Variants in DAAM1 observed in about 807,000 individuals in gnomAD.
DAAM1 encodes disheveled-associated activator of morphogenesis 1.
A neutral mutation model predicts 130.0 loss-of-function variants in DAAM1; 52 were observed. The ratio of observed to expected loss-of-function variants is 0.40; its 90% CI spans 0.32 to 0.50. The LOEUF (loss-of-function observed/expected upper bound fraction) is 0.50, where lower values mean the gene tolerates loss of function less well. Ranked by LOEUF, DAAM1 falls within the 20% of genes least tolerant of loss-of-function variation. DAAM1 has a pLI of 0.61. For missense variants in DAAM1, 1,134 were observed against 1,303.8 expected (o/e 0.87, Z 2.01); for synonymous variants, 452 against 444.5 (o/e 1.02, Z -0.21).
intron 1 of DAAM1, among the ~76,000 whole-genome samples, chr14:59,225,668 A>G (rs1298982020): frequency 7.2e-5 from 11 of 151,782 alleles, no homozygotes. Flanking sequence ...GAGTGCTCAC[A>G]GAGATCTGGC....
chr14:59,330,421 C>A lies in DAAM1; in HGVS notation c.1373-80C>A, dbSNP rs373253314. 42 of 1,322,242 alleles carry A rather than the reference C, an allele frequency of 3.2e-5. No individual in the cohort carries two copies. The East Asian group carries it at 6.5e-4, about 21-fold the overall frequency. The allele number at this position is 1,322,242 out of a possible 1,614,324, so 81.9% of individuals were successfully genotyped here. ...GATCCTCATAATCTCTGCCATCATC[C>A]TCAGTCAATTTTCTTTTAGAGAAAA... On this transcript the variant is annotated intron_variant, in intron 12 of 24. Transcript: ENST00000360909.
At chr14:59,279,944 A>C (rs1237309968) in intron 2 of DAAM1, among the ~76,000 whole-genome samples, 6 of 152,218 alleles carry the variant, frequency 3.9e-5, no homozygotes, top group Non-Finnish European at 5.9e-5. Flanking sequence ...AACATTTCAC[A>C]AAAGAACATG....
intron 1 of DAAM1, among the ~76,000 whole-genome samples, chr14:59,197,354 A>G (rs1224638499): frequency 6.6e-6 from 1 of 152,216 alleles, no homozygotes; most frequent in Non-Finnish European, 1.5e-5. Flanking sequence ...TTTCTGCGTT[A>G]GAGGTACTTT....
chr14:59,354,146 C>T (rs529425831), intron 19 of DAAM1, among the ~76,000 whole-genome samples, 182 bp downstream of exon 19: 8 of 151,804 alleles, frequency 5.3e-5, no homozygotes, highest in Admixed American at 4.6e-4. Flanking sequence ...GTGCAAGCTC[C>T]GCCTCCCAGG....
At chr14:59,335,865 A>G (rs1885606980) in intron 15 of DAAM1, among the ~76,000 whole-genome samples, 1 of 152,186 alleles carries the variant, frequency 6.6e-6, no homozygotes, top group South Asian at 2.1e-4. Context: ...TTTATAAATT[A>G]TCAAAGAATT....
intron 23 of DAAM1, 102 bp downstream of exon 23, chr14:59,363,884 C>A (rs370731637): frequency 6.6e-7 from 1 of 1,504,670 alleles, no homozygotes; most frequent in Non-Finnish European, 9.0e-7. Context: ...GAGTGAGATC[C>A]AAACTTCGTG....
intron 1 of DAAM1, among the ~76,000 whole-genome samples, chr14:59,230,632 A>C (rs1028561294): frequency 2.0e-5 from 3 of 152,046 alleles, no homozygotes; most frequent in African/African-American, 7.2e-5. Flanking sequence ...GGGGAAAGTT[A>C]ATGGGTACAA....
At chr14:59,248,983 T>G (rs1286612577) in intron 1 of DAAM1, among the ~76,000 whole-genome samples, 1 of 152,142 alleles carries the variant, frequency 6.6e-6, no homozygotes, top group Non-Finnish European at 1.5e-5. Flanking sequence ...GAGACGGGGT[T>G]TCACCGTGTT....
At position 59,328,266 on chromosome 14, in the gene DAAM1, T is replaced by C. The variant is rs149045978; in HGVS notation, c.1372+1275T>C. On this transcript the variant is annotated intron_variant, in intron 12 of 24. Transcript: ENST00000360909. ...AGTTCCTCATATGTATTCAGATTGCTCCCAAATAAGTGACATTGCACATGC... is the reference window on the plus strand; with the variant it reads ...AGTTCCTCATATGTATTCAGATTGCCCCCAAATAAGTGACATTGCACATGC... Among the ~76,000 whole-genome samples the C allele has an allele frequency of 2.3e-3, 346 of 152,316 alleles. 1 individual carries two copies. The highest frequency in any genetic ancestry group is 7.8e-3 in the African/African-American group (325 of 41,568).
intron 1 of DAAM1, among the ~76,000 whole-genome samples, chr14:59,256,430 T>C (rs1035759261): frequency 5.3e-5 from 8 of 152,210 alleles, no homozygotes; most frequent in African/African-American, 1.9e-4. Flanking sequence ...CACAGATGGA[T>C]TGGATTTCTT....
chr14:59,323,341 TCA>T, intron 6 of DAAM1, 116 bp downstream of exon 6: 2 of 1,121,308 alleles, frequency 1.8e-6, no homozygotes, highest in Non-Finnish European at 2.5e-6. Context: ...TGGTGATTAC[TCA>T]CAGTGTGACT....
chr14:59,253,612 G>C (rs540655851), intron 1 of DAAM1, among the ~76,000 whole-genome samples: 34 of 152,166 alleles, frequency 2.2e-4, no homozygotes, highest in Non-Finnish European at 4.6e-4. Context: ...AGTATGCCAA[G>C]AGCCATTTTT....
chr14:59,229,167 T>C (rs568695873), intron 1 of DAAM1, among the ~76,000 whole-genome samples: 1 of 152,324 alleles, frequency 6.6e-6, no homozygotes, highest in East Asian at 1.9e-4. Flanking sequence ...GTGGAAGATA[T>C]TTTGATTTAG....
At chr14:59,212,496 G>A (rs1888456489) in intron 1 of DAAM1, among the ~76,000 whole-genome samples, 1 of 152,212 alleles carries the variant, frequency 6.6e-6, no homozygotes, top group Admixed American at 6.5e-5. Flanking sequence ...TCATATCTTA[G>A]ATGATTGCCT....
At chr14:59,362,703 G>A (rs918639356) in intron 22 of DAAM1, 12 of 151,882 alleles carry the variant, frequency 7.9e-5, no homozygotes, top group Admixed American at 7.9e-4. Context: ...AACCAAATCA[G>A]TGGTAGAGCT....
At chr14:59,324,068 T>A in intron 6 of DAAM1, 60 bp from the exon 7 acceptor site, 7 of 1,144,788 alleles carry the variant, frequency 6.1e-6, no homozygotes, top group Non-Finnish European at 8.1e-6. Context: ...TATAAAAAAA[T>A]TCATAAAATG....
chr14:59,365,931 G>T (rs1223892036), intron 23 of DAAM1, among the ~76,000 whole-genome samples: 1 of 152,034 alleles, frequency 6.6e-6, no homozygotes. Flanking sequence ...ATATTATTTG[G>T]GTAGTTATAA....
At chr14:59,299,878 T>G (rs914751713) in intron 3 of DAAM1, 2 of 152,104 alleles carry the variant, frequency 1.3e-5, no homozygotes, top group African/African-American at 4.8e-5. Context: ...CACTGCACTT[T>G]TTTTCCTCTT....
chr14:59,350,427 C>G (rs1353451745), intron 17 of DAAM1, among the ~76,000 whole-genome samples: 1 of 148,128 alleles, frequency 6.8e-6, no homozygotes, highest in Admixed American at 6.8e-5. Flanking sequence ...TGTGCATACA[C>G]CCCTGCATGC....
Sources: allele counts gnomAD v4.1 joint callset (sites outside exome capture counted in the v4.1 genomes callset), GRCh38; gene constraint gnomAD v4.1.1; transcripts MANE v1.5; gene names NCBI Gene and HGNC (gene_info 2026-07-23, HGNC 2026-07-21).